PRKAG2: variants seen among roughly 807,000 people sequenced by gnomAD.
PRKAG2 encodes protein kinase AMP-activated non-catalytic subunit gamma 2, also known as 5'-AMP-activated protein kinase subunit gamma-2.
PRKAG2 carries 26 observed loss-of-function variants against 69.6 expected under a neutral mutation model. That is an observed-to-expected ratio of 0.37 (90% CI 0.27 to 0.52). The LOEUF (loss-of-function observed/expected upper bound fraction) is 0.52. PRKAG2 is among the 20% of genes least tolerant of loss of function. The probability of loss-of-function intolerance (pLI) is 0.90; values close to 1 mark genes in which losing one functional copy is unlikely to be tolerated. For missense variants in PRKAG2, 557 were observed against 740.0 expected, an observed-to-expected ratio of 0.75 and a Z score of 2.87; for synonymous variants, 293 against 285.0, an observed-to-expected ratio of 1.03 and a Z score of -0.28.
intron 9 of PRKAG2, among the ~76,000 whole-genome samples, chr7:151,571,779 A>G (rs1027247198): frequency 2.0e-5 from 3 of 152,210 alleles, no homozygotes; most frequent in Admixed American, 1.3e-4. Context: ...ATGGATTTGA[A>G]AGGGCCCCTG....
intron 3 of PRKAG2, among the ~76,000 whole-genome samples, chr7:151,721,443 G>A (rs1289380556): frequency 1.3e-5 from 2 of 152,132 alleles, no homozygotes; most frequent in Non-Finnish European, 2.9e-5. Flanking sequence ...GGCCCAGCTG[G>A]GGTGCCTGAG....
At chr7:151,838,605 G>A (rs2151883470) in intron 1 of PRKAG2, among the ~76,000 whole-genome samples, 1 of 151,836 alleles carries the variant, frequency 6.6e-6, no homozygotes, top group East Asian at 1.9e-4. Context: ...TACTCAGGAG[G>A]CTGAGGTGGG....
intron 3 of PRKAG2, among the ~76,000 whole-genome samples, chr7:151,702,148 C>T (rs1024788731): frequency 6.6e-6 from 1 of 152,194 alleles, no homozygotes; most frequent in Non-Finnish European, 1.5e-5. Context: ...GAACACTTCC[C>T]CCTGTGCGGG....
chr7:151,778,132 G>A (rs539051727), intron 3 of PRKAG2, among the ~76,000 whole-genome samples: 39 of 152,136 alleles, frequency 2.6e-4, no homozygotes, highest in East Asian at 1.9e-3. Context: ...CTGGAGGCCC[G>A]TTTCCACACC....
intron 4 of PRKAG2, among the ~76,000 whole-genome samples, chr7:151,639,099 A>G (rs1487285337): frequency 6.6e-6 from 1 of 152,016 alleles, no homozygotes. Flanking sequence ...TCTCAGTCCC[A>G]GCCCAGCCCT....
intron 5 of PRKAG2, among the ~76,000 whole-genome samples, chr7:151,602,024 G>C (rs549615952): frequency 6.6e-6 from 1 of 152,246 alleles, no homozygotes. Flanking sequence ...TGAGGGCCCT[G>C]CTTAAGAAAG....
rs1810934864 is a variant in PRKAG2, at chr7:151,583,410, T to C, written c.865-6958A>G. The stretch of plus-strand genomic sequence containing the variant: ...CATATAATATTCCAAACGGACATGA[T>C]ACTCGTACAATGCATTAAAGAGCAG... On this transcript the variant is annotated intron_variant, in intron 6 of 15. Transcript: ENST00000287878. This position sits in a 1 kb window ranked among gnomAD's most constrained non-coding sequence, Gnocchi z 4.1. Among the ~76,000 whole-genome samples the C allele has an allele frequency of 6.6e-6, 1 of 152,228 alleles. No homozygotes were observed. The highest frequency in any genetic ancestry group is 1.5e-5 in the Non-Finnish European group (1 of 68,032).
At chr7:151,608,062 G>A (rs530722444) in intron 5 of PRKAG2, among the ~76,000 whole-genome samples, 2 of 152,264 alleles carry the variant, frequency 1.3e-5, no homozygotes, top group South Asian at 4.1e-4. Context: ...GGAGGGGAGG[G>A]CCACGTGAAG....
At chr7:151,694,880 A>C (rs1257123478) in intron 3 of PRKAG2, among the ~76,000 whole-genome samples, 1 of 152,212 alleles carries the variant, frequency 6.6e-6, no homozygotes, top group Non-Finnish European at 1.5e-5. Context: ...CATCCGATGC[A>C]AACACCGCAC....
At chr7:151,616,967 G>A (rs1335460472) in intron 5 of PRKAG2, among the ~76,000 whole-genome samples, 3 of 152,004 alleles carry the variant, frequency 2.0e-5, no homozygotes, top group African/African-American at 7.2e-5. Flanking sequence ...CTTTAGAAAC[G>A]CACACTACTA....
chr7:151,743,806 G>A (rs74336453), intron 3 of PRKAG2, among the ~76,000 whole-genome samples: 3,336 of 152,284 alleles, frequency 0.022, 56 homozygotes, highest in Admixed American at 0.053. Flanking sequence ...TGGCTGTTCT[G>A]GAGCCAGGGA....
At chr7:151,758,103 T>A (rs1381359576) in intron 3 of PRKAG2, among the ~76,000 whole-genome samples, 4 of 152,186 alleles carry the variant, frequency 2.6e-5, no homozygotes, top group Admixed American at 6.5e-5. Context: ...TTCGGTGTAA[T>A]CAAAGTAGGT....
At chr7:151,872,126 C>G (rs2080232060) in intron 1 of PRKAG2, among the ~76,000 whole-genome samples, 1 of 152,212 alleles carries the variant, frequency 6.6e-6, no homozygotes, top group South Asian at 2.1e-4. Context: ...CCAGACTCAT[C>G]ATTTCCCCCA....
rs1344519306 is a variant in PRKAG2 at position 151,632,585 on chromosome 7, C to A, written c.685-447G>T. 11 of 983,816 alleles carry A rather than the reference C, an allele frequency of 1.1e-5. No homozygotes were observed. Among genetic ancestry groups the A allele is most frequent in the Non-Finnish European group, 1.1e-5 (9 of 828,878 alleles). The allele number at this position is 983,816 out of a possible 1,614,324, so 60.9% of individuals were successfully genotyped here. A position where few individuals can be genotyped will look rare whatever the true frequency, so the allele number is the denominator to read the frequency against. ...GCGCCGCTCACCTTCCCAGCACCGGCGGCCGCGCTCGGCAGGCTCCACCTG... is the reference window on the plus strand; with the variant it reads ...GCGCCGCTCACCTTCCCAGCACCGGAGGCCGCGCTCGGCAGGCTCCACCTG... On this transcript the variant is annotated intron_variant, in intron 4 of 15. Transcript: ENST00000287878. The surrounding 1 kb of genome is among the most constrained non-coding windows in gnomAD (Gnocchi z 4.2).
At chr7:151,582,609 C>A (rs546376365) in intron 6 of PRKAG2, among the ~76,000 whole-genome samples, 6 of 152,220 alleles carry the variant, frequency 3.9e-5, no homozygotes, top group African/African-American at 1.4e-4. Context: ...AAGAGGCCAT[C>A]CCACTTCTTG....
chr7:151,806,099 G>A (rs902841259), intron 1 of PRKAG2, among the ~76,000 whole-genome samples: 2 of 152,232 alleles, frequency 1.3e-5, no homozygotes, highest in African/African-American at 2.4e-5. Context: ...TGAAGCAGGA[G>A]AATCGCTTGA....
chr7:151,852,375 A>G (rs888568780), intron 1 of PRKAG2, among the ~76,000 whole-genome samples: 1 of 152,136 alleles, frequency 6.6e-6, no homozygotes, highest in Non-Finnish European at 1.5e-5. Context: ...CACGCATGTA[A>G]TCCCAGATAC....
chr7:151,813,265 G>A (rs759946820), intron 1 of PRKAG2, among the ~76,000 whole-genome samples: 3 of 152,092 alleles, frequency 2.0e-5, no homozygotes, highest in Admixed American at 1.3e-4. Context: ...CCTACAATCC[G>A]TAACGCCATC....
intron 1 of PRKAG2, among the ~76,000 whole-genome samples, chr7:151,873,711 T>G (rs2080272880): frequency 6.6e-6 from 1 of 152,156 alleles, no homozygotes; most frequent in South Asian, 2.1e-4. Flanking sequence ...AGAAGGGTGG[T>G]CCGAGGACCC....
Sources: gnomAD v4.1 joint callset for allele counts (sites outside exome capture counted in the v4.1 genomes callset) on GRCh38, gnomAD v4.1.1 for gene constraint, Gnocchi (gnomAD v3.1) non-coding constraint, MANE v1.5 for transcripts, NCBI Gene and HGNC (gene_info 2026-07-23, HGNC 2026-07-21) for gene names.